The following OXR1 variants were observed in gnomAD, a reference collection of about 807,000 sequenced individuals.
OXR1 encodes the protein oxidation resistance 1.
Under a neutral mutation model 104.6 loss-of-function variants are expected in OXR1, and 41 were observed. That is an observed-to-expected ratio of 0.39 (90% CI 0.31 to 0.51). OXR1 has a LOEUF of 0.51. Among genes scored for constraint, OXR1 ranks in the 20% least tolerant of loss-of-function variants. OXR1 has a pLI of 0.77. For missense variants in OXR1, 955 were observed against 1,031.9 expected (o/e 0.93, Z 1.02); for synonymous variants, 348 against 348.4 (o/e 1.00, Z 0.01).
chr8:106,443,942 C>A (rs1223775621), intron 2 of OXR1, among the ~76,000 whole-genome samples: 1 of 151,426 alleles, frequency 6.6e-6, no homozygotes, highest in African/African-American at 2.4e-5. Flanking sequence ...GAAATCTAGC[C>A]ATCTGACAAA....
intron 1 of OXR1, among the ~76,000 whole-genome samples, chr8:106,343,739 C>T (rs1235754893): frequency 6.6e-6 from 1 of 152,132 alleles, no homozygotes; most frequent in Non-Finnish European, 1.5e-5. Flanking sequence ...GAAGAATGGA[C>T]AGTAGGAAAG....
intron 3 of OXR1, among the ~76,000 whole-genome samples, chr8:106,597,692 G>A (rs1819636385): frequency 6.6e-6 from 1 of 152,056 alleles, no homozygotes; most frequent in African/African-American, 2.4e-5. Flanking sequence ...CCATATTCTA[G>A]GTGAAAAGAT....
intron 2 of OXR1, among the ~76,000 whole-genome samples, chr8:106,454,642 T>G (rs1008420270): frequency 4.6e-5 from 7 of 152,012 alleles, no homozygotes; most frequent in Admixed American, 6.6e-5. Flanking sequence ...TAAAAAATAA[T>G]AATAACTAAA....
chr8:106,689,641 T>G (rs1342739721), intron 6 of OXR1, among the ~76,000 whole-genome samples: 1 of 152,026 alleles, frequency 6.6e-6, no homozygotes, highest in African/African-American at 2.4e-5. Flanking sequence ...AGTAAGATTT[T>G]CTAAGAGATG....
chr8:106,730,688 C>T (rs1319675068), intron 11 of OXR1, among the ~76,000 whole-genome samples: 3 of 152,028 alleles, frequency 2.0e-5, no homozygotes, highest in Non-Finnish European at 4.4e-5. Flanking sequence ...CTGTTACAAA[C>T]TTTTAGATGT....
chr8:106,504,103 C>T (rs1811995960), intron 2 of OXR1, among the ~76,000 whole-genome samples: 1 of 152,168 alleles, frequency 6.6e-6, no homozygotes. Flanking sequence ...ATAGAAGGGA[C>T]TCAACAGATG....
chr8:106,726,337 GTATA>G, intron 11 of OXR1: 1 of 1,164,920 alleles, frequency 8.6e-7, no homozygotes, highest in South Asian at 1.4e-5. Context: ...ATTTTAATTT[GTATA>G]TATACTAGTC....
In OXR1 at chr8:106,503,479, TTG is replaced by T. The variant is rs1181338062; in HGVS notation, c.24-15462_24-15461del. Among the ~76,000 whole-genome samples the T allele has an allele frequency of 7.9e-5, 12 of 152,256 alleles. No individual in the cohort carries two copies. In the East Asian group the frequency reaches 9.7e-4, roughly 12 times the overall value. On this transcript the variant is annotated intron_variant, in intron 2 of 16. Coordinates refer to ENST00000517566, the MANE Select transcript of OXR1 (RefSeq NM_001198533.2). ...AGAGCAAGGTTTTCAGAGAGGGCTGTTGTTGATGTTCTGGGAATCCTGTCCTA... is the reference window on the plus strand; with the variant it reads ...AGAGCAAGGTTTTCAGAGAGGGCTGTTTGATGTTCTGGGAATCCTGTCCTA...
In OXR1 at chr8:106,467,652, G is replaced by A. The variant is rs1821245610; in HGVS notation, c.24-51291G>A. Among the ~76,000 whole-genome samples the A allele has an allele frequency of 2.6e-5, 4 of 151,840 alleles. No individual in the cohort carries two copies. The South Asian group carries it at 6.2e-4, about 24-fold the overall frequency. ...TGACATTATCTCATTAATCAAGATT[G>A]TTCCTGGCAAATACACTCTGAGAAG... On this transcript the variant is annotated intron_variant, in intron 2 of 16. Transcript: ENST00000517566.
intron 2 of OXR1, among the ~76,000 whole-genome samples, chr8:106,364,149 T>C (rs1316395997): frequency 3.3e-5 from 5 of 152,238 alleles, no homozygotes; most frequent in African/African-American, 9.6e-5. Context: ...ATTAATGTTT[T>C]GACTAAATTT....
chr8:106,584,757 A>T (rs1818506463), intron 3 of OXR1, among the ~76,000 whole-genome samples: 2 of 152,150 alleles, frequency 1.3e-5, no homozygotes, highest in Non-Finnish European at 2.9e-5. Flanking sequence ...GAAAGAAAAA[A>T]AATGGAATCC....
chr8:106,323,648 T>G (rs539765572), intron 1 of OXR1, among the ~76,000 whole-genome samples: 10 of 152,130 alleles, frequency 6.6e-5, no homozygotes, highest in Non-Finnish European at 1.2e-4. Flanking sequence ...TATAAGGAAC[T>G]TAAATAAATT....
At chr8:106,610,456 A>C (rs930468077) in intron 3 of OXR1, among the ~76,000 whole-genome samples, 6 of 152,208 alleles carry the variant, frequency 3.9e-5, no homozygotes, top group African/African-American at 1.4e-4. Context: ...TGTTACCCTC[A>C]GATCAAAATC....
intron 16 of OXR1, among the ~76,000 whole-genome samples, chr8:106,747,577 CAT>C (rs1205509196): frequency 2.6e-5 from 4 of 152,194 alleles, no homozygotes; most frequent in African/African-American, 9.7e-5. Context: ...AAGCATTGCT[CAT>C]ATAAAAATAC....
At chr8:106,702,095 A>T (rs1462740898) in intron 7 of OXR1, among the ~76,000 whole-genome samples, 1 of 152,112 alleles carries the variant, frequency 6.6e-6, no homozygotes, top group African/African-American at 2.4e-5. Flanking sequence ...TAAGCCTCCC[A>T]AGTAGCTGGG....
intron 6 of OXR1, among the ~76,000 whole-genome samples, chr8:106,687,707 C>G (rs1277914992): frequency 2.2e-5 from 3 of 138,848 alleles, no homozygotes; most frequent in Non-Finnish European, 4.7e-5. Context: ...GAGTGAGACT[C>G]TGTCTCAAAA....
At position 106,581,120 on chromosome 8, in the gene OXR1, C is replaced by G. The variant is rs143309115; in HGVS notation, c.220+61981C>G. On this transcript the variant is annotated intron_variant, in intron 3 of 16. Coordinates refer to ENST00000517566, the MANE Select transcript of OXR1 (RefSeq NM_001198533.2). Reference sequence around the variant, plus strand: ...TGGTGCTATTCAAAGACAGTCTAGACTTAAAGATTTAGAATTTTGGATGGA... The same window carrying G: ...TGGTGCTATTCAAAGACAGTCTAGAGTTAAAGATTTAGAATTTTGGATGGA... 1.0e-5 allele frequency: 13 copies of G among 1,259,164 alleles called. No individual in the cohort carries two copies. In the East Asian group the frequency reaches 6.7e-4, roughly 65 times the overall value. The allele number at this position is 1,259,164 out of a possible 1,614,324, so 78.0% of individuals were successfully genotyped here. A position where few individuals can be genotyped will look rare whatever the true frequency, so the allele number is the denominator to read the frequency against.
intron 3 of OXR1, among the ~76,000 whole-genome samples, chr8:106,530,434 G>C (rs1420784561): frequency 6.6e-6 from 1 of 152,110 alleles, no homozygotes; most frequent in Non-Finnish European, 1.5e-5. Flanking sequence ...TGGGATTACA[G>C]GTGTGCATAA....
chr8:106,468,565 A>G (rs1207811511), intron 2 of OXR1, among the ~76,000 whole-genome samples: 1 of 151,838 alleles, frequency 6.6e-6, no homozygotes, highest in East Asian at 1.9e-4. Flanking sequence ...CAAGGGTAAG[A>G]TTAAGAGACC....
Sources: allele counts gnomAD v4.1 joint callset (sites outside exome capture counted in the v4.1 genomes callset), GRCh38; gene constraint gnomAD v4.1.1; transcripts MANE v1.5; gene names NCBI Gene and HGNC (gene_info 2026-07-23, HGNC 2026-07-21).